NTAQ1: variants seen among roughly 807,000 people sequenced by gnomAD.
The protein encoded by NTAQ1 is protein N-terminal glutamine amidohydrolase.
A neutral mutation model predicts 28.2 loss-of-function variants in NTAQ1; 21 were observed. The ratio of observed to expected loss-of-function variants is 0.74; its 90% confidence interval spans 0.53 to 1.07. The LOEUF (loss-of-function observed/expected upper bound fraction) is 1.07. NTAQ1 is among the 50% of genes least tolerant of loss of function. The pLI is 0.00. For missense variants in NTAQ1, 264 were observed against 256.6 expected (o/e 1.03, Z -0.20); for synonymous variants, 105 against 90.0 (o/e 1.17, Z -0.94).
At chr8:123,423,953 G>C (rs1336575136) in intron 1 of NTAQ1, among the ~76,000 whole-genome samples, 2 of 151,414 alleles carry the variant, frequency 1.3e-5, no homozygotes, top group Non-Finnish European at 2.9e-5. Flanking sequence ...TGCAATCTTG[G>C]CTTATTACAA....
At chr8:123,469,519 T>A (rs879472658) in exon 7 of NTAQ1, among the ~76,000 whole-genome samples, 1 of 152,236 alleles carries the variant, frequency 6.6e-6, no homozygotes, top group Non-Finnish European at 1.5e-5. Context: ...AATGTTAATT[T>A]TTTTAACTGC....
chr8:123,451,282 C>T (rs1279032416), downstream of NTAQ1, among the ~76,000 whole-genome samples: 3 of 152,140 alleles, frequency 2.0e-5, no homozygotes, highest in Non-Finnish European at 4.4e-5. Flanking sequence ...CTTTTTTCTT[C>T]ATAGCAGTTA....
At chr8:123,458,615 G>A (rs148360424) in intron 6 of NTAQ1, among the ~76,000 whole-genome samples, 19 of 151,580 alleles carry the variant, frequency 1.3e-4, no homozygotes, top group African/African-American at 3.1e-4. Context: ...AAAATAGTTG[G>A]TACTTTCTTT....
downstream of NTAQ1, among the ~76,000 whole-genome samples, chr8:123,450,298 C>T (rs1255042311): frequency 6.6e-6 from 1 of 151,470 alleles, no homozygotes; most frequent in African/African-American, 2.4e-5. Context: ...CTGGGATGAC[C>T]GTTGGTTTTG....
chr8:123,426,765 G>A (rs1242489693), intron 1 of NTAQ1, among the ~76,000 whole-genome samples: 3 of 151,786 alleles, frequency 2.0e-5, no homozygotes, highest in African/African-American at 7.3e-5. Flanking sequence ...TTTGAGACCA[G>A]CCTGGCCAAC....
chr8:123,455,115 C>G (rs1326139031), intron 6 of NTAQ1: 1 of 152,240 alleles, frequency 6.6e-6, no homozygotes, highest in African/African-American at 2.4e-5. Context: ...GCTCTGTCTT[C>G]CCTTTTGGAA....
At chr8:123,429,843 G>A in intron 2 of NTAQ1, 140 bp from the exon 3 acceptor site, 1 of 495,080 alleles carries the variant, frequency 2.0e-6, no homozygotes, top group South Asian at 3.6e-5. Flanking sequence ...TTGTGCCACT[G>A]CACTCCAGCC....
chr8:123,450,290 G>A (rs1815451561), downstream of NTAQ1, among the ~76,000 whole-genome samples: 1 of 151,780 alleles, frequency 6.6e-6, no homozygotes, highest in Admixed American at 6.6e-5. Flanking sequence ...GTTGAGGACT[G>A]GGATGACCGT....
At chr8:123,464,665 G>A (rs1462850029) in intron 6 of NTAQ1, among the ~76,000 whole-genome samples, 1 of 152,222 alleles carries the variant, frequency 6.6e-6, no homozygotes, top group Non-Finnish European at 1.5e-5. Flanking sequence ...AGAGTGGCCT[G>A]TGGCAGCAGG....
intron 1 of NTAQ1, among the ~76,000 whole-genome samples, chr8:123,419,279 A>G (rs1053369450): frequency 1.1e-4 from 17 of 151,934 alleles, no homozygotes; most frequent in Non-Finnish European, 1.0e-4. Flanking sequence ...TCGTATTTTT[A>G]GTAGAGACGG....
downstream of NTAQ1, among the ~76,000 whole-genome samples, chr8:123,470,910 CCTTTTTT>C (rs138304830): frequency 0.16 from 23,492 of 150,200 alleles, 2,270 homozygotes; most frequent in Non-Finnish European, 0.24. Context: ...GTTTCTCCTT[CCTTTTTT>C]CTTTTTTTTT....
At chr8:123,469,768 G>C (rs1426498415) in exon 7 of NTAQ1, among the ~76,000 whole-genome samples, 2 of 152,154 alleles carry the variant, frequency 1.3e-5, no homozygotes, top group Non-Finnish European at 2.9e-5. Context: ...TATGTTCTGG[G>C]CACTAACTAG....
At chr8:123,472,324 T>G (rs903901667), downstream of NTAQ1, among the ~76,000 whole-genome samples, 1 of 152,230 alleles carries the variant, frequency 6.6e-6, no homozygotes, top group Non-Finnish European at 1.5e-5. Context: ...CAGGCATGGC[T>G]TCCCATTTGC....
intron 1 of NTAQ1, among the ~76,000 whole-genome samples, chr8:123,420,457 A>G (rs4871373): frequency 0.66 from 100,321 of 152,016 alleles, 33,824 homozygotes; most frequent in East Asian, 0.93. Context: ...AGGTCGCATC[A>G]TAGTTCTGTT....
At chr8:123,428,098 AGCT>A in intron 2 of NTAQ1, 75 bp downstream of exon 2, 14 of 825,212 alleles carry the variant, frequency 1.7e-5, no homozygotes, top group Non-Finnish European at 2.2e-5. Context: ...AAAAAAAAAA[AGCT>A]AAATATAGCA....
exon 7 of NTAQ1, among the ~76,000 whole-genome samples, chr8:123,468,673 G>A (rs1816009119): frequency 6.6e-6 from 1 of 152,174 alleles, no homozygotes; most frequent in Admixed American, 6.5e-5. Flanking sequence ...ACATAGATGT[G>A]CAAATATCTC....
the NTAQ1 span, among the ~76,000 whole-genome samples, chr8:123,475,410 C>G: frequency 2.6e-5 from 4 of 152,104 alleles, no homozygotes; most frequent in Non-Finnish European, 4.4e-5. Flanking sequence ...CTCATTGCTA[C>G]TGGGGTTTCA....
chr8:123,468,719 T>A (rs1391563498), exon 7 of NTAQ1, among the ~76,000 whole-genome samples: 2 of 152,204 alleles, frequency 1.3e-5, no homozygotes, highest in Non-Finnish European at 2.9e-5. Context: ...TGGATATATA[T>A]CAAGGAATGG....
chr8:123,424,260 T>C (rs1287876263), intron 1 of NTAQ1, among the ~76,000 whole-genome samples: 1 of 144,344 alleles, frequency 6.9e-6, no homozygotes, highest in Non-Finnish European at 1.5e-5. Context: ...TTTTTTTTTT[T>C]AAGACGAAGT....
Sources: gnomAD v4.1 joint callset for allele counts (sites outside exome capture counted in the v4.1 genomes callset) on GRCh38, gnomAD v4.1.1 for gene constraint, MANE v1.5 for transcripts, NCBI Gene and HGNC (gene_info 2026-07-23, HGNC 2026-07-21) for gene names.